Variants in KCNH7 observed in about 807,000 individuals in gnomAD.
The protein encoded by KCNH7 is voltage-gated inwardly rectifying potassium channel KCNH7.
In KCNH7, 49 loss-of-function variants were observed where a neutral mutation model predicts 120.8. The observed-to-expected ratio is 0.41, with a 90% CI of 0.32 to 0.51. The LOEUF is 0.51. Ranked by LOEUF, KCNH7 falls within the 20% of genes least tolerant of loss-of-function variation. KCNH7 has a pLI of 0.38. For missense variants in KCNH7, 1,097 were observed against 1,446.6 expected (o/e 0.76, Z 3.92); for synonymous variants, 547 against 516.1 (o/e 1.06, Z -0.81).
intron 2 of KCNH7, among the ~76,000 whole-genome samples, chr2:162,582,636 C>T (rs959333672): frequency 3.3e-5 from 5 of 152,060 alleles, no homozygotes; most frequent in African/African-American, 9.7e-5. Flanking sequence ...TTTGCCTTGG[C>T]ACTGTGAGAC....
chr2:162,742,674 C>G (rs1387830203), intron 2 of KCNH7, among the ~76,000 whole-genome samples: 3 of 152,092 alleles, frequency 2.0e-5, no homozygotes, highest in Non-Finnish European at 2.9e-5. Flanking sequence ...AGGCCTTATC[C>G]TTTTCACTCT....
intron 12 of KCNH7, among the ~76,000 whole-genome samples, chr2:162,388,141 AAG>A (rs2105419780): frequency 6.6e-6 from 1 of 151,978 alleles, no homozygotes; most frequent in African/African-American, 2.4e-5. Context: ...AGGGTATTGA[AAG>A]AGGCCTAGAT....
At chr2:162,760,980 G>T (rs1479243282) in intron 2 of KCNH7, among the ~76,000 whole-genome samples, 2 of 151,978 alleles carry the variant, frequency 1.3e-5, no homozygotes, top group African/African-American at 4.8e-5. Context: ...TAGTTGCTTG[G>T]CTGTGATTTC....
At chr2:162,727,256 A>ATGTTT in intron 2 of KCNH7, among the ~76,000 whole-genome samples, 1 of 152,220 alleles carries the variant, frequency 6.6e-6, no homozygotes, top group Non-Finnish European at 1.5e-5. Context: ...ATATGCTTAT[A>ATGTTT]TAAAACAGTT....
intron 2 of KCNH7, among the ~76,000 whole-genome samples, chr2:162,607,038 A>G (rs1178962693): frequency 6.6e-6 from 1 of 152,076 alleles, no homozygotes; most frequent in Non-Finnish European, 1.5e-5. Context: ...ATATAAAAAC[A>G]TGTATATATT....
At chr2:162,613,943 C>T (rs1201836554) in intron 2 of KCNH7, among the ~76,000 whole-genome samples, 2 of 145,640 alleles carry the variant, frequency 1.4e-5, no homozygotes, top group African/African-American at 5.0e-5. Context: ...AATCCTTCCC[C>T]AAAGAGAAAG....
intron 2 of KCNH7, among the ~76,000 whole-genome samples, chr2:162,612,306 A>G (rs1436734914): frequency 3.3e-5 from 5 of 152,178 alleles, no homozygotes; most frequent in Non-Finnish European, 7.4e-5. Context: ...GGTACCACAC[A>G]AAGTCAGAAT....
At chr2:162,669,873 G>T (rs374977747) in intron 2 of KCNH7, among the ~76,000 whole-genome samples, 47 of 152,258 alleles carry the variant, frequency 3.1e-4, no homozygotes, top group African/African-American at 9.4e-4. Flanking sequence ...GCCGAGGCGG[G>T]CGGATAACCT....
At chr2:162,546,553 C>A (rs1043077614) in intron 2 of KCNH7, among the ~76,000 whole-genome samples, 2 of 152,066 alleles carry the variant, frequency 1.3e-5, no homozygotes, top group African/African-American at 4.8e-5. Context: ...CAGTGAGAAT[C>A]CTGGGGACAG....
At chr2:162,396,050 C>A (rs1373003695) in intron 11 of KCNH7, among the ~76,000 whole-genome samples, 6 of 151,636 alleles carry the variant, frequency 4.0e-5, no homozygotes, top group East Asian at 1.9e-4. Context: ...TTTTTGGTTA[C>A]AACGTAAGTT....
At chr2:162,395,787 T>A (rs1449385021) in intron 11 of KCNH7, among the ~76,000 whole-genome samples, 1 of 151,798 alleles carries the variant, frequency 6.6e-6, no homozygotes, top group Non-Finnish European at 1.5e-5. Flanking sequence ...TTAAAATTCC[T>A]CTTTCTCTTT....
chr2:162,635,158 G>C (rs919448746), intron 2 of KCNH7, among the ~76,000 whole-genome samples: 1 of 152,020 alleles, frequency 6.6e-6, no homozygotes. Flanking sequence ...TAGCATATCT[G>C]ACCCAGAGGT....
intron 2 of KCNH7, among the ~76,000 whole-genome samples, chr2:162,786,590 A>G (rs957268929): frequency 2.6e-5 from 4 of 152,210 alleles, no homozygotes; most frequent in African/African-American, 9.6e-5. Context: ...AAATGTTTCA[A>G]AAAGTTTCAA....
chr2:162,469,434 C>A (rs1241869772), intron 6 of KCNH7, among the ~76,000 whole-genome samples: 3 of 152,036 alleles, frequency 2.0e-5, no homozygotes, highest in African/African-American at 7.2e-5. Context: ...TACCATGTGA[C>A]AAAGGAAGCA....
chr2:162,533,870 C>CT (rs200442592), intron 3 of KCNH7, among the ~76,000 whole-genome samples: 2 of 151,182 alleles, frequency 1.3e-5, no homozygotes, highest in Admixed American at 6.6e-5. Context: ...TGTAATATCA[C>CT]TTTTTTTTCA....
intron 7 of KCNH7, among the ~76,000 whole-genome samples, chr2:162,442,160 G>C (rs1688441935): frequency 6.6e-6 from 1 of 151,044 alleles, no homozygotes; most frequent in African/African-American, 2.4e-5. Context: ...CGAGTAGCTG[G>C]GACTACAGGC....
chr2:162,611,349 T>C (rs1250572590), intron 2 of KCNH7, among the ~76,000 whole-genome samples: 1 of 152,174 alleles, frequency 6.6e-6, no homozygotes, highest in Non-Finnish European at 1.5e-5. Flanking sequence ...TCTTATTCCG[T>C]GACATAAGTA....
chr2:162,751,043 G>A (rs1262796441), intron 2 of KCNH7, among the ~76,000 whole-genome samples: 1 of 151,952 alleles, frequency 6.6e-6, no homozygotes, highest in African/African-American at 2.4e-5. Context: ...AACAACAACC[G>A]ACTATTTCCT....
chr2:162,803,816 CCTTTT>C (rs1458221872), intron 2 of KCNH7, among the ~76,000 whole-genome samples: 2 of 151,552 alleles, frequency 1.3e-5, no homozygotes, highest in Non-Finnish European at 3.0e-5. Context: ...ATCAGTGCCC[CCTTTT>C]CTTGTGTTTG....
Sources: gnomAD v4.1 joint callset for allele counts (sites outside exome capture counted in the v4.1 genomes callset) on GRCh38, gnomAD v4.1.1 for gene constraint, MANE v1.5 for transcripts, NCBI Gene and HGNC (gene_info 2026-07-23, HGNC 2026-07-21) for gene names.